Variants in WSCD1 observed in about 807,000 individuals in gnomAD.
WSCD1 encodes the protein sialate:O-sulfotransferase 1.
WSCD1 carries 41 observed loss-of-function variants against 60.4 expected under a neutral mutation model. The ratio of observed to expected loss-of-function variants is 0.68; its 90% CI spans 0.53 to 0.88. The LOEUF (loss-of-function observed/expected upper bound fraction) is 0.88. Ranked by LOEUF, WSCD1 falls within the 40% of genes least tolerant of loss-of-function variation. The pLI is 0.00. For synonymous variants in WSCD1, 361 were observed against 332.5 expected, an observed-to-expected ratio of 1.09 and a Z score of -0.93; for missense variants, 784 against 796.2, an observed-to-expected ratio of 0.98 and a Z score of 0.18.
chr17:6,091,078 G>C (rs933212971), intron 4 of WSCD1, among the ~76,000 whole-genome samples: 3 of 152,048 alleles, frequency 2.0e-5, no homozygotes, highest in African/African-American at 7.2e-5. Flanking sequence ...ATTTTTAGTA[G>C]AGACGGGGTT....
chr17:6,120,269 G>A (rs1249645787), intron 8 of WSCD1, 40 bp from the exon 9 acceptor site: 7 of 1,584,376 alleles, frequency 4.4e-6, no homozygotes, highest in African/African-American at 4.0e-5. Flanking sequence ...CCCTGGCAGG[G>A]CCAGCCCCCG....
At chr17:6,105,731 G>A (rs901672664) in intron 5 of WSCD1, among the ~76,000 whole-genome samples, 3 of 152,222 alleles carry the variant, frequency 2.0e-5, no homozygotes, top group African/African-American at 4.8e-5. Flanking sequence ...ATATAAGATT[G>A]TGGGGCATCA....
At position 6,090,496 on chromosome 17, in the gene WSCD1, T is replaced by A. The variant is rs1909962794; in HGVS notation, c.718T>A (p.Ser240Thr). The change falls in exon 4 of 9, where the codon TCC (serine) becomes ACC (threonine). Residue 240 changes from serine to threonine, a missense_variant. Coordinates refer to ENST00000317744, the MANE Select transcript of WSCD1 (RefSeq NM_015253.2). ...CCGTGTGGACGAGCTGCAGCCGGGC[T>A]CCAGGAAGCGTGAGTGTGCCAGCCT... ...VYRVDELQPGSRKRRTATYRG... is the reference protein window; with the variant it reads ...VYRVDELQPGTRKRRTATYRG... The A allele has an allele frequency of 6.2e-7, 1 of 1,612,630 alleles. No individual in the cohort carries two copies.
intron 4 of WSCD1, among the ~76,000 whole-genome samples, chr17:6,092,321 C>T (rs1319308221): frequency 6.6e-6 from 1 of 152,052 alleles, no homozygotes; most frequent in Non-Finnish European, 1.5e-5. Flanking sequence ...GGTCACAGTG[C>T]CCAGAAGAGC....
intron 8 of WSCD1, among the ~76,000 whole-genome samples, chr17:6,120,040 G>A (rs1373315397): frequency 2.6e-5 from 4 of 152,296 alleles, no homozygotes; most frequent in Non-Finnish European, 4.4e-5. Context: ...CAGGCATCAC[G>A]CTGACTTAGC....
At chr17:6,093,642 C>T (rs1237197434) in intron 4 of WSCD1, among the ~76,000 whole-genome samples, 1 of 152,210 alleles carries the variant, frequency 6.6e-6, no homozygotes, top group Non-Finnish European at 1.5e-5. Context: ...AGCCCAGCAC[C>T]TGCCACCACC....
At position 6,090,514 on chromosome 17, in the gene WSCD1, G is replaced by A. The variant is rs1286533571; in HGVS notation, c.727+9G>A. ...GCCGGGCTCCAGGAAGCGTGAGTGT[G>A]CCAGCCTCTTCCTGAGCTTTGTCCG... is the stretch of plus-strand genomic sequence containing the variant. On this transcript the variant is annotated intron_variant, in intron 4 of 8. Coordinates refer to ENST00000317744, the MANE Select transcript of WSCD1 (RefSeq NM_015253.2). 7 of 1,611,448 alleles carry A rather than the reference G, an allele frequency of 4.3e-6. No homozygotes were observed. Among genetic ancestry groups the A allele is most frequent in the Non-Finnish European group, 5.9e-6 (7 of 1,179,064 alleles).
chr17:6,088,062 G>A lies in WSCD1; in HGVS notation c.500G>A (p.Arg167Lys), dbSNP rs1366422819. 5.6e-6 allele frequency: 9 copies of A among 1,614,106 alleles called. No individual in the cohort carries two copies. Among genetic ancestry groups the A allele is most frequent in the Non-Finnish European group, 7.6e-6 (9 of 1,180,042 alleles). ...AAAGGAGCTGTGTTTTATGACTTGA[G>A]AAAGATGACTGTCTCCCACTGCCAG... ...TLKGAVFYDL[R>K]KMTVSHCQDA... The change falls in exon 3 of 9, where the codon AGA becomes AAA. Residue 167 changes from arginine to lysine, a missense_variant. Transcript: ENST00000317744.
intron 8 of WSCD1, among the ~76,000 whole-genome samples, chr17:6,119,574 A>T (rs1240842995): frequency 6.6e-6 from 1 of 152,150 alleles, no homozygotes; most frequent in Non-Finnish European, 1.5e-5. Flanking sequence ...GCCGGCCTCT[A>T]GTCTTCCCCT....
At chr17:6,098,906 G>A (rs1171123060) in intron 5 of WSCD1, among the ~76,000 whole-genome samples, 3 of 152,184 alleles carry the variant, frequency 2.0e-5, no homozygotes, top group Admixed American at 6.5e-5. Context: ...GGCTGAGAAA[G>A]GAAGATGGTT....
chr17:6,106,750 T>A (rs1167151064), intron 5 of WSCD1, among the ~76,000 whole-genome samples: 1 of 151,624 alleles, frequency 6.6e-6, no homozygotes, highest in African/African-American at 2.4e-5. Flanking sequence ...TAGCATGTGG[T>A]GGTGATGGTG....
chr17:6,085,132 C>A (rs1037699765), intron 2 of WSCD1: 2 of 152,154 alleles, frequency 1.3e-5, no homozygotes, highest in Non-Finnish European at 2.9e-5. Flanking sequence ...ATCACACGTC[C>A]CAGGTTAGAG....
intron 5 of WSCD1, among the ~76,000 whole-genome samples, chr17:6,095,860 G>A (rs1051449388): frequency 6.6e-6 from 1 of 152,324 alleles, no homozygotes; most frequent in Middle Eastern, 3.4e-3. Context: ...TCTCGGGCTG[G>A]AGTCAGGCAG....
rs1255492147 is a variant in WSCD1 at position 6,117,988 on chromosome 17, G to C, written c.1175G>C (p.Gly392Ala). The change falls in exon 8 of 9, where the codon GGG becomes GCG. Residue 392 changes from glycine to alanine, a missense_variant and splice_region_variant. Transcript: ENST00000317744. Reference protein sequence around the residue: ...YYFDGTLYNKGFKGEKDHWRS... With the variant: ...YYFDGTLYNKAFKGEKDHWRS... ...GAGACCCTCTCATTTTTCCCTGCAG[G>C]GTTCAAGGGCGAAAAGGACCACTGG... 6.2e-7 allele frequency: 1 copy of C among 1,613,238 alleles called. No individual in the cohort carries two copies. Among genetic ancestry groups the C allele is most frequent in the African/African-American group, 1.3e-5 (1 of 74,874 alleles).
intron 3 of WSCD1, among the ~76,000 whole-genome samples, chr17:6,088,792 T>TC (rs1909825921): frequency 6.6e-6 from 1 of 151,410 alleles, no homozygotes. Context: ...TCACCTTTTT[T>TC]TTTTTTTTGA....
In WSCD1 at chr17:6,110,022, G is replaced by T. The variant is rs913951794; in HGVS notation, c.1009+256G>T. 6.6e-6 allele frequency among the ~76,000 whole-genome samples: 1 copy of T among 152,168 alleles called. No homozygotes were observed. The highest frequency in any genetic ancestry group is 2.4e-5 in the African/African-American group (1 of 41,432). On this transcript the variant is annotated intron_variant, in intron 6 of 8. Coordinates refer to ENST00000317744, the MANE Select transcript of WSCD1 (RefSeq NM_015253.2). The surrounding 1 kb of genome is among the most constrained non-coding windows in gnomAD (Gnocchi z 4.8). ...CTAAGTCTCTCTGGAGATGACAATG[G>T]TAAGAGGATGAACAGAGAGGGGCAG...
Position 6,101,402 on chromosome 17 carries a change from C to CT in WSCD1, c.849+6180dup, listed in dbSNP as rs1267713331. Among the ~76,000 whole-genome samples the CT allele has an allele frequency of 6.6e-6, 1 of 151,988 alleles. No individual in the cohort carries two copies. The highest frequency in any genetic ancestry group is 1.5e-5 in the Non-Finnish European group (1 of 67,992). ...AATTAGAGCTGGCCGGGCAGTGGGG[C>CT]TGGGAGCAGCAGATGTGAGAGGTGG... On this transcript the variant is annotated intron_variant, in intron 5 of 8. Transcript: ENST00000317744. This position sits in a 1 kb window ranked among gnomAD's most constrained non-coding sequence, Gnocchi z 4.1.
In WSCD1 at chr17:6,075,618, G is replaced by A. The variant is rs1268004905; in HGVS notation, c.-288-4753G>A. 3.9e-5 allele frequency among the ~76,000 whole-genome samples: 6 copies of A among 152,140 alleles called. No homozygotes were observed. Among genetic ancestry groups the A allele is most frequent in the Non-Finnish European group, 2.9e-5 (2 of 68,022 alleles). On this transcript the variant is annotated intron_variant, in intron 1 of 8. Transcript: ENST00000317744. This position sits in a 1 kb window ranked among gnomAD's most constrained non-coding sequence, Gnocchi z 4.1. ...AGACTTCCAGAAGCCCATTTGTTCT[G>A]TTACTCTCTTCTCATGCTTGACAGG...
intron 5 of WSCD1, among the ~76,000 whole-genome samples, chr17:6,106,906 T>C (rs1244006775): frequency 6.6e-6 from 1 of 151,944 alleles, no homozygotes; most frequent in Non-Finnish European, 1.5e-5. Flanking sequence ...GGCCCTGAGG[T>C]GGGATCATGA....
Sources: gnomAD v4.1 joint callset for allele counts (sites outside exome capture counted in the v4.1 genomes callset) on GRCh38, gnomAD v4.1.1 for gene constraint, Gnocchi (gnomAD v3.1) non-coding constraint, MANE v1.5 for transcripts, NCBI Gene and HGNC (gene_info 2026-07-23, HGNC 2026-07-21) for gene names.